Variants in HK1 observed in about 807,000 individuals in gnomAD.
HK1 encodes hexokinase-1.
Under a neutral mutation model 91.6 loss-of-function variants are expected in HK1, and 28 were observed. The observed-to-expected ratio is 0.31, with a 90% confidence interval of 0.23 to 0.42. The LOEUF (loss-of-function observed/expected upper bound fraction) is 0.42. HK1 is among the 10% of genes least tolerant of loss of function. The pLI is 1.00. For missense variants in HK1, 770 were observed against 1,219.8 expected, an observed-to-expected ratio of 0.63 and a Z score of 5.49; for synonymous variants, 430 against 468.1, an observed-to-expected ratio of 0.92 and a Z score of 1.05.
chr10:69,289,270 G>A (rs1210242182), intron 3 of HK1, among the ~76,000 whole-genome samples: 1 of 152,082 alleles, frequency 6.6e-6, no homozygotes, highest in Non-Finnish European at 1.5e-5. Flanking sequence ...GGCCACTTGT[G>A]TTCTGACCAA....
chr10:69,271,343 A>T (rs778773095), intron 1 of HK1, among the ~76,000 whole-genome samples: 2 of 152,222 alleles, frequency 1.3e-5, no homozygotes. Flanking sequence ...ACACAGGATT[A>T]TAAGGGAAAT....
intron 2 of HK1, among the ~76,000 whole-genome samples, chr10:69,353,797 T>G (rs1226917637): frequency 6.6e-6 from 1 of 152,196 alleles, no homozygotes; most frequent in Non-Finnish European, 1.5e-5. Flanking sequence ...TCATCTGTAT[T>G]TATTGTAATA....
At chr10:69,291,493 A>T (rs1845295606) in intron 3 of HK1, among the ~76,000 whole-genome samples, 2 of 152,164 alleles carry the variant, frequency 1.3e-5, no homozygotes, top group Non-Finnish European at 2.9e-5. Context: ...AGGCCCAGTG[A>T]AGAAGGTGTC....
intron 10 of HK1, 65 bp downstream of exon 10, chr10:69,382,856 G>A (rs1158752867): frequency 1.9e-6 from 3 of 1,548,256 alleles, no homozygotes; most frequent in Non-Finnish European, 2.6e-6. Flanking sequence ...CGCAGTGGGG[G>A]AGGTTGGATT....
At chr10:69,325,347 G>A (rs551635426) in intron 1 of HK1, among the ~76,000 whole-genome samples, 37 of 150,540 alleles carry the variant, frequency 2.5e-4, no homozygotes, top group Admixed American at 2.1e-3. Context: ...CACCACACCC[G>A]GCCATGTATT....
Position 69,355,422 on chromosome 10 carries a change from C to T in HK1, c.227-4475C>T, listed in dbSNP as rs946298700. Among the ~76,000 whole-genome samples the T allele has an allele frequency of 4.6e-5, 7 of 152,286 alleles. No homozygotes were observed. The Middle Eastern group carries it at 0.01, about 222-fold the overall frequency. On this transcript the variant is annotated intron_variant, in intron 2 of 17. Coordinates refer to ENST00000359426, the MANE Select transcript of HK1 (RefSeq NM_000188.3). ...AATTTCAAAATTTTCAGCAAAGCAA[C>T]AGTAATCAAGACATGTGGTACTGGC...
chr10:69,338,435 A>C (rs866048737), intron 1 of HK1: 1 of 1,256,600 alleles, frequency 8.0e-7, no homozygotes, highest in Middle Eastern at 2.5e-4. Flanking sequence ...CACTGGTTTG[A>C]GAGGGAGCAT....
upstream of HK1, chr10:69,315,967 C>A (rs1233998620): frequency 3.7e-6 from 6 of 1,614,054 alleles, no homozygotes; most frequent in African/African-American, 1.3e-5. Context: ...GGACTGTGAG[C>A]ACAGCCTGAG....
At chr10:69,378,538 T>C (rs1181112198) in intron 8 of HK1, among the ~76,000 whole-genome samples, 2 of 152,148 alleles carry the variant, frequency 1.3e-5, no homozygotes, top group African/African-American at 4.8e-5. Flanking sequence ...TAAAAGTCTA[T>C]ATGGAATACC....
chr10:69,344,016 C>G (rs1311980234), intron 2 of HK1, 27 bp downstream of exon 2: 11 of 1,610,800 alleles, frequency 6.8e-6, no homozygotes, highest in African/African-American at 1.3e-5. Flanking sequence ...GAGATTGAAC[C>G]CTGAGGGCTA....
chr10:69,326,024 C>T (rs768131914), intron 1 of HK1, among the ~76,000 whole-genome samples: 4 of 151,700 alleles, frequency 2.6e-5, no homozygotes, highest in Admixed American at 2.0e-4. Context: ...TTTGTAGAGA[C>T]GGGGTTTCAC....
intron 5 of HK1, among the ~76,000 whole-genome samples, chr10:69,308,754 C>G (rs190011792): frequency 5.3e-5 from 8 of 152,210 alleles, no homozygotes; most frequent in African/African-American, 1.9e-4. Flanking sequence ...GAGGGTCTGT[C>G]TCTCTTCTCT....
At chr10:69,318,482 C>A (rs1846781413), upstream of HK1, among the ~76,000 whole-genome samples, 1 of 152,330 alleles carries the variant, frequency 6.6e-6, no homozygotes, top group South Asian at 2.1e-4. Context: ...CGGAGCCGGG[C>A]GGTGCCTCCT....
At chr10:69,336,391 A>ATGT (rs1847986386) in intron 1 of HK1, among the ~76,000 whole-genome samples, 1 of 151,540 alleles carries the variant, frequency 6.6e-6, no homozygotes, top group Non-Finnish European at 1.5e-5. Flanking sequence ...GGGTTTCTCC[A>ATGT]TGTTGGTCAG....
intron 3 of HK1, chr10:69,288,915 A>C (rs372683027): frequency 1.4e-6 from 1 of 722,242 alleles, no homozygotes. Flanking sequence ...GCCTCCCAGT[A>C]GCTGGGATTA....
In HK1 at chr10:69,376,955, C is replaced by T. The variant is rs1286467706; in HGVS notation, c.897C>T (p.Gly299=). Residue 299 remains glycine, a synonymous_variant, in exon 8 of 18, where the codon GGC becomes GGT. Transcript: ENST00000359426. ...ACAGGTTTGAGAAGATGGTCAGTGG[C>T]ATGTACTTGGGAGAGCTGGTTCGAC... ...GKQLFEKMVS[G]MYLGELVRLI... The T allele has an allele frequency of 2.5e-6, 4 of 1,614,144 alleles. No individual in the cohort carries two copies. In the South Asian group the frequency reaches 4.4e-5, roughly 18 times the overall value.
At chr10:69,288,587 G>A in intron 2 of HK1, 1 of 765,418 alleles carries the variant, frequency 1.3e-6, no homozygotes, top group Non-Finnish European at 2.4e-6. Flanking sequence ...CAGTATTAGG[G>A]TGTTTAGCTT....
intron 7 of HK1, among the ~76,000 whole-genome samples, chr10:69,372,380 A>C (rs1215079406): frequency 1.3e-5 from 2 of 152,258 alleles, no homozygotes; most frequent in African/African-American, 4.8e-5. Context: ...TGTAGGCTAA[A>C]GAGTTTTTTT....
rs1175964492 is a variant in HK1 at position 69,384,243 on chromosome 10, C to T, written c.1571-90C>T. ...TCTCCTCTATGTTTGCTATGGGGTT[C>T]TCCCCTTGAAAGTCTGGAGTCTTGG... is the stretch of plus-strand genomic sequence containing the variant. On this transcript the variant is annotated intron_variant, in intron 10 of 17. Coordinates refer to ENST00000359426, the MANE Select transcript of HK1 (RefSeq NM_000188.3). 4.7e-6 allele frequency: 7 copies of T among 1,477,344 alleles called. No individual in the cohort carries two copies. The South Asian group carries it at 5.7e-5, about 12-fold the overall frequency. The allele number at this position is 1,477,344 out of a possible 1,614,324, so 91.5% of individuals were successfully genotyped here.
Sources: gnomAD v4.1 joint callset for allele counts (sites outside exome capture counted in the v4.1 genomes callset) on GRCh38, gnomAD v4.1.1 for gene constraint, MANE v1.5 for transcripts, NCBI Gene and HGNC (gene_info 2026-07-23, HGNC 2026-07-21) for gene names.